The following HSD17B3 variants were observed in gnomAD, a reference collection of about 807,000 sequenced individuals.
The protein encoded by HSD17B3 is 17-beta-hydroxysteroid dehydrogenase type 3.
HSD17B3 carries 29 observed loss-of-function variants against 41.1 expected under a neutral mutation model. That is an observed-to-expected ratio of 0.71 (90% CI 0.53 to 0.96). The LOEUF is 0.96. Among genes scored for constraint, HSD17B3 ranks in the 40% least tolerant of loss-of-function variants. The pLI is 0.00. For synonymous variants in HSD17B3, 126 were observed against 145.6 expected, an observed-to-expected ratio of 0.87 and a Z score of 0.97; for missense variants, 323 against 374.6, an observed-to-expected ratio of 0.86 and a Z score of 1.14.
chr9:96,301,819 T>C (rs1293204702), intron 1 of HSD17B3, 132 bp downstream of exon 1: 14 of 939,942 alleles, frequency 1.5e-5, no homozygotes, highest in Non-Finnish European at 2.4e-5. Flanking sequence ...AAGCGGAGGT[T>C]GCAGTGAGCC....
At chr9:96,251,323 CT>C in intron 5 of HSD17B3, 94 bp downstream of exon 5, 1 of 1,023,442 alleles carries the variant, frequency 9.8e-7, no homozygotes, top group Middle Eastern at 2.1e-4. Flanking sequence ...CAGATGCATG[CT>C]TCCATCACGC....
At position 96,291,525 on chromosome 9, in the gene HSD17B3, A is replaced by G. The variant is rs371928770; in HGVS notation, c.201+6891T>C. ...CCAGAGTCCCATAACGTAAAACCAA[A>G]ATGTTGAGGATTCAGTCAAAAGCCA... On this transcript the variant is annotated intron_variant, in intron 2 of 10. Transcript: ENST00000375263. 5.9e-5 allele frequency among the ~76,000 whole-genome samples: 9 copies of G among 152,196 alleles called. No homozygotes were observed. In the East Asian group the frequency reaches 1.7e-3, roughly 29 times the overall value.
intron 2 of HSD17B3, among the ~76,000 whole-genome samples, chr9:96,259,571 A>C (rs1401514126): frequency 3.3e-5 from 5 of 152,136 alleles, no homozygotes; most frequent in Non-Finnish European, 7.4e-5. Flanking sequence ...AAATATAAAA[A>C]TTAGCTGGGC....
intron 9 of HSD17B3, among the ~76,000 whole-genome samples, chr9:96,241,733 G>A (rs1005711326): frequency 1.7e-4 from 26 of 152,066 alleles, no homozygotes; most frequent in Admixed American, 5.9e-4. Flanking sequence ...CCAGGAGTGC[G>A]AGACCAGCCT....
At position 96,298,785 on chromosome 9, in the gene HSD17B3, G is replaced by T. The variant is rs8190499; in HGVS notation, c.155-323C>A. 9.1e-3 allele frequency among the ~76,000 whole-genome samples: 1,384 copies of T among 152,252 alleles called. 28 individuals are homozygous for T. Among genetic ancestry groups the T allele is most frequent in the South Asian group, 0.066 (316 of 4,824 alleles). Reference sequence around the variant, plus strand: ...CCGCAGCCAGGGAACATTTCCTGCAGGCCCCATGAGGATGCAGATATTGTG... The same window carrying T: ...CCGCAGCCAGGGAACATTTCCTGCATGCCCCATGAGGATGCAGATATTGTG... On this transcript the variant is annotated intron_variant, in intron 1 of 10. Transcript: ENST00000375263.
At chr9:96,244,498 C>T in intron 8 of HSD17B3, 104 bp from the exon 9 acceptor site, 1 of 1,041,368 alleles carries the variant, frequency 9.6e-7, no homozygotes, top group South Asian at 1.3e-5. Context: ...ACCTGCTAGA[C>T]CTTAAAATAG....
chr9:96,257,971 T>G (rs1292509395), intron 2 of HSD17B3, among the ~76,000 whole-genome samples: 1 of 152,210 alleles, frequency 6.6e-6, no homozygotes, highest in Non-Finnish European at 1.5e-5. Flanking sequence ...GCCCCTTTAT[T>G]GCTATCCAAT....
chr9:96,249,817 C>T (rs768243852), intron 5 of HSD17B3, 31 bp from the exon 6 acceptor site: 3 of 1,613,862 alleles, frequency 1.9e-6, no homozygotes, highest in Non-Finnish European at 2.5e-6. Flanking sequence ...CACACATCAG[C>T]CGGATGATTA....
chr9:96,255,044 G>A (rs974374582), intron 2 of HSD17B3, 101 bp from the exon 3 acceptor site: 1 of 964,958 alleles, frequency 1.0e-6, no homozygotes, highest in Non-Finnish European at 1.6e-6. Flanking sequence ...ATACTGGCAG[G>A]GTGACATGGT....
intron 2 of HSD17B3, among the ~76,000 whole-genome samples, chr9:96,265,781 G>A (rs1303685294): frequency 6.6e-6 from 1 of 152,160 alleles, no homozygotes; most frequent in East Asian, 1.9e-4. Flanking sequence ...TAATAAAATA[G>A]CTTTACATAA....
chr9:96,237,975 A>T (rs987125132), intron 10 of HSD17B3, among the ~76,000 whole-genome samples: 1 of 152,060 alleles, frequency 6.6e-6, no homozygotes, highest in Non-Finnish European at 1.5e-5. Context: ...ACCAAAAAAA[A>T]AATTAAAACA....
rs869145717 is a variant in HSD17B3 at position 96,255,367 on chromosome 9, CTTTTTTTTTTTTTTTTTTTTTTTTTT to C, written c.202-450_202-425del. 1.3e-4 allele frequency among the ~76,000 whole-genome samples: 7 copies of C among 54,544 alleles called. 1 individual carries two copies. The highest frequency in any genetic ancestry group is 8.4e-4 in the Admixed American group (3 of 3,590). 35.8% of individuals were successfully genotyped at this position (54,544 alleles called of 152,430 possible). A position where few individuals can be genotyped will look rare whatever the true frequency, so the allele number is the denominator to read the frequency against. On this transcript the variant is annotated intron_variant, in intron 2 of 10. Transcript: ENST00000375263. Reference sequence around the variant, plus strand: ...AAGCAGTGTTTCTGCCCCAACATTTCTTTTTTTTTTTTTTTTTTTTTTTTTTTTTTTTTTTTTTTTGCAATAGAGTC... The same window carrying C: ...AAGCAGTGTTTCTGCCCCAACATTTCTTTTTTTTTTTTTTGCAATAGAGTC...
At chr9:96,265,499 T>C (rs1564041804) in intron 2 of HSD17B3, among the ~76,000 whole-genome samples, 1 of 152,234 alleles carries the variant, frequency 6.6e-6, no homozygotes, top group East Asian at 1.9e-4. Context: ...ATAATCCTAA[T>C]GTCTATAAGA....
intron 2 of HSD17B3, among the ~76,000 whole-genome samples, chr9:96,258,831 T>C (rs1306680688): frequency 6.6e-6 from 1 of 152,222 alleles, no homozygotes; most frequent in African/African-American, 2.4e-5. Flanking sequence ...TGGACATTTC[T>C]TGTTAGGTTT....
intron 3 of HSD17B3, among the ~76,000 whole-genome samples, chr9:96,254,277 G>T (rs1428199008): frequency 6.6e-6 from 1 of 152,114 alleles, no homozygotes; most frequent in Non-Finnish European, 1.5e-5. Context: ...AGTAAGCATT[G>T]TCCCTCATCC....
intron 2 of HSD17B3, among the ~76,000 whole-genome samples, chr9:96,259,950 A>G (rs954275515): frequency 5.3e-5 from 8 of 152,106 alleles, no homozygotes; most frequent in Non-Finnish European, 8.8e-5. Context: ...CTTTCTTTCT[A>G]ATATTTGCAT....
At chr9:96,271,604 T>TTAGCATGAA (rs1826247024) in intron 2 of HSD17B3, among the ~76,000 whole-genome samples, 1 of 152,154 alleles carries the variant, frequency 6.6e-6, no homozygotes, top group Non-Finnish European at 1.5e-5. Flanking sequence ...AGCAGATATG[T>TTAGCATGAA]GTTATGATCC....
chr9:96,241,989 G>A (rs1317180192), intron 9 of HSD17B3, among the ~76,000 whole-genome samples: 2 of 121,516 alleles, frequency 1.6e-5, no homozygotes, highest in Non-Finnish European at 3.5e-5. Context: ...AAGAAAGAAA[G>A]AAAGAAAGAA....
intron 2 of HSD17B3, among the ~76,000 whole-genome samples, chr9:96,276,123 A>C (rs1229617114): frequency 1.3e-5 from 2 of 149,722 alleles, no homozygotes; most frequent in Non-Finnish European, 3.0e-5. Context: ...AAAAAAAAAA[A>C]AAAAAAAAAC....
Sources: allele counts gnomAD v4.1 joint callset (sites outside exome capture counted in the v4.1 genomes callset), GRCh38; gene constraint gnomAD v4.1.1; transcripts MANE v1.5; gene names NCBI Gene and HGNC (gene_info 2026-07-23, HGNC 2026-07-21).